Variants in PPFIA2 observed in about 807,000 individuals in gnomAD.
PPFIA2 encodes the protein PPFI scaffold protein A2.
PPFIA2 carries 46 observed loss-of-function variants against 175.5 expected under a neutral mutation model. That is an observed-to-expected ratio of 0.26 (90% confidence interval 0.21 to 0.34). The LOEUF is 0.34. Among genes scored for constraint, PPFIA2 ranks in the 10% least tolerant of loss-of-function variants. The pLI is 1.00. For missense variants in PPFIA2, 1,179 were observed against 1,506.1 expected, an observed-to-expected ratio of 0.78 and a Z score of 3.60; for synonymous variants, 568 against 511.4, an observed-to-expected ratio of 1.11 and a Z score of -1.49.
At chr12:81,382,127 A>G (rs905771143) in intron 9 of PPFIA2, among the ~76,000 whole-genome samples, 1 of 152,120 alleles carries the variant, frequency 6.6e-6, no homozygotes, top group African/African-American at 2.4e-5. Context: ...ATATGTGTAA[A>G]TAACAAGGTC....
chr12:81,399,053 TA>T lies in PPFIA2; in HGVS notation c.762+6733del, dbSNP rs1410998565. ...GATAAATTCTACCAAAGTGAAAAAA[TA>T]CAATTAGATCAACTGAGGAACTTCT... On this transcript the variant is annotated intron_variant, in intron 8 of 32. Transcript: ENST00000549396. 3.3e-5 allele frequency among the ~76,000 whole-genome samples: 5 copies of T among 151,734 alleles called. No individual in the cohort carries two copies. In the East Asian group the frequency reaches 9.7e-4, roughly 29 times the overall value.
intron 3 of PPFIA2, among the ~76,000 whole-genome samples, chr12:81,739,721 A>G (rs1459372932): frequency 1.3e-5 from 2 of 152,154 alleles, no homozygotes; most frequent in African/African-American, 4.8e-5. Context: ...GGACATAAAA[A>G]GAGAAAATCA....
intron 8 of PPFIA2, among the ~76,000 whole-genome samples, chr12:81,402,343 A>G (rs868486646): frequency 4.8e-5 from 7 of 147,122 alleles, no homozygotes; most frequent in Non-Finnish European, 1.0e-4. Context: ...AAAGTTCTCA[A>G]TAAAAAAAAA....
At chr12:81,535,022 A>G (rs963823397) in intron 4 of PPFIA2, among the ~76,000 whole-genome samples, 1 of 151,732 alleles carries the variant, frequency 6.6e-6, no homozygotes, top group Non-Finnish European at 1.5e-5. Flanking sequence ...TATGGCCACC[A>G]TGCAACAAGA....
intron 3 of PPFIA2, among the ~76,000 whole-genome samples, chr12:81,691,634 T>G (rs893024195): frequency 6.6e-6 from 1 of 152,132 alleles, no homozygotes; most frequent in African/African-American, 2.4e-5. Context: ...AGGAAGTATA[T>G]TAAGTTAGTC....
chr12:81,653,995 G>A (rs1247271602), intron 4 of PPFIA2, among the ~76,000 whole-genome samples: 1 of 151,742 alleles, frequency 6.6e-6, no homozygotes, highest in Non-Finnish European at 1.5e-5. Context: ...TATACTTTGT[G>A]TTATCAGCTA....
intron 14 of PPFIA2, among the ~76,000 whole-genome samples, chr12:81,363,860 TTGATTTGTAAATATCTTTGTTCATTA>T (rs1364164806): frequency 5.9e-5 from 9 of 151,902 alleles, no homozygotes; most frequent in African/African-American, 2.2e-4. Flanking sequence ...TAGTTTCTTA[TTGATTTGTAAATATCTTTGTTCATTA>T]TTTTCACAAA....
intron 7 of PPFIA2, 194 bp downstream of exon 7, chr12:81,439,778 T>C: frequency 1.8e-6 from 1 of 547,650 alleles, no homozygotes; most frequent in Non-Finnish European, 3.1e-6. Flanking sequence ...TCCTTTGGTC[T>C]AGTAGTGACA....
chr12:81,562,208 T>A (rs1472872550), intron 4 of PPFIA2, among the ~76,000 whole-genome samples: 2 of 152,114 alleles, frequency 1.3e-5, no homozygotes, highest in Non-Finnish European at 2.9e-5. Context: ...AAGAAAATTA[T>A]AAAATCCAGT....
chr12:81,647,856 A>T, intron 4 of PPFIA2, among the ~76,000 whole-genome samples: 2 of 139,694 alleles, frequency 1.4e-5, no homozygotes, highest in East Asian at 4.3e-4. Flanking sequence ...AATATATAAC[A>T]TATATAATAT....
rs1015956360 is a variant in PPFIA2 at position 81,457,749 on chromosome 12, G to A, written c.405+16C>T. On this transcript the variant is annotated intron_variant, in intron 5 of 32. Coordinates refer to ENST00000549396, the MANE Select transcript of PPFIA2 (RefSeq NM_003625.5). ...TACAAATAGAATTAATTCCAAAAAG[G>A]CTGCTTTACACTTACTCTTGTGTTG... 6.7e-7 allele frequency: 1 copy of A among 1,503,734 alleles called. No individual in the cohort carries two copies. Among genetic ancestry groups the A allele is most frequent in the Non-Finnish European group, 9.1e-7 (1 of 1,100,810 alleles). The allele number at this position is 1,503,734 out of a possible 1,614,324, so 93.1% of individuals were successfully genotyped here. A position where few individuals can be genotyped will look rare whatever the true frequency, so the allele number is the denominator to read the frequency against.
intron 4 of PPFIA2, among the ~76,000 whole-genome samples, chr12:81,459,176 A>G (rs1246646075): frequency 1.3e-5 from 2 of 152,126 alleles, no homozygotes; most frequent in South Asian, 2.1e-4. Flanking sequence ...TTTGGCTGAC[A>G]TAGGGATAAA....
At chr12:81,405,168 T>A (rs1042992427) in intron 8 of PPFIA2, among the ~76,000 whole-genome samples, 2 of 152,182 alleles carry the variant, frequency 1.3e-5, no homozygotes, top group Non-Finnish European at 2.9e-5. Flanking sequence ...TGTGTGGGAC[T>A]AAACTTCACC....
intron 7 of PPFIA2, among the ~76,000 whole-genome samples, chr12:81,438,145 C>T (rs1339762747): frequency 6.6e-6 from 1 of 152,000 alleles, no homozygotes; most frequent in East Asian, 1.9e-4. Flanking sequence ...AGCATATATA[C>T]ACTCATTTAA....
chr12:81,364,904 A>G (rs1361874919), intron 14 of PPFIA2, among the ~76,000 whole-genome samples: 1 of 151,710 alleles, frequency 6.6e-6, no homozygotes, highest in African/African-American at 2.4e-5. Flanking sequence ...GACTGAGAAG[A>G]CTGCTGGTGT....
chr12:81,438,708 TG>T (rs1176492180), intron 7 of PPFIA2, among the ~76,000 whole-genome samples: 1 of 152,170 alleles, frequency 6.6e-6, no homozygotes, highest in Non-Finnish European at 1.5e-5. Flanking sequence ...GTACATACTT[TG>T]GGGGTACTTG....
chr12:81,699,458 A>G (rs989425147), intron 3 of PPFIA2, among the ~76,000 whole-genome samples: 3 of 151,756 alleles, frequency 2.0e-5, no homozygotes, highest in African/African-American at 7.2e-5. Context: ...AACCAAAATT[A>G]TGTAGTGGTA....
At chr12:81,736,477 ACACAGTCAGATTTTAATAAAGGCAGTAG>A (rs2081592838) in intron 3 of PPFIA2, among the ~76,000 whole-genome samples, 1 of 151,976 alleles carries the variant, frequency 6.6e-6, no homozygotes, top group Non-Finnish European at 1.5e-5. Context: ...AAAGGCAGTA[ACACAGTCAGATTTTAATAAAGGCAGTAG>A]CACAGTCAGA....
At chr12:81,551,800 A>G (rs2067975869) in intron 4 of PPFIA2, among the ~76,000 whole-genome samples, 1 of 151,802 alleles carries the variant, frequency 6.6e-6, no homozygotes, top group African/African-American at 2.4e-5. Flanking sequence ...TCCTTTTACG[A>G]CCTCCTTAAT....
Sources: gnomAD v4.1 joint callset for allele counts (sites outside exome capture counted in the v4.1 genomes callset) on GRCh38, gnomAD v4.1.1 for gene constraint, MANE v1.5 for transcripts, NCBI Gene and HGNC (gene_info 2026-07-23, HGNC 2026-07-21) for gene names.